The following PHACTR1 variants were observed in gnomAD, a reference collection of about 807,000 sequenced individuals.
PHACTR1 encodes RPEL repeat containing 1.
Under a neutral mutation model 69.2 loss-of-function variants are expected in PHACTR1, and 16 were observed. The observed-to-expected ratio is 0.23, with a 90% CI of 0.16 to 0.35. The LOEUF (loss-of-function observed/expected upper bound fraction) is 0.35. Among genes scored for constraint, PHACTR1 ranks in the 10% least tolerant of loss-of-function variants. PHACTR1 has a pLI of 1.00. For missense variants in PHACTR1, 510 were observed against 734.7 expected (o/e 0.69, Z 3.54); for synonymous variants, 312 against 284.5 (o/e 1.10, Z -0.97).
intron 4 of PHACTR1, among the ~76,000 whole-genome samples, chr6:12,785,948 G>A (rs1279520939): frequency 2.0e-5 from 3 of 152,060 alleles, no homozygotes; most frequent in African/African-American, 4.8e-5. Context: ...TTGAAAAGCC[G>A]ACCTGTCAAA....
intron 7 of PHACTR1, 41 bp downstream of exon 7, chr6:13,182,727 A>G: frequency 6.8e-7 from 1 of 1,472,336 alleles, no homozygotes. Context: ...CCCAGACACC[A>G]AGTCCAGCCA....
chr6:13,089,215 C>T (rs1395068629), intron 5 of PHACTR1, among the ~76,000 whole-genome samples: 1 of 152,196 alleles, frequency 6.6e-6, no homozygotes, highest in Non-Finnish European at 1.5e-5. Context: ...CAAGAAGCCC[C>T]TGGGGCACAG....
intron 5 of PHACTR1, among the ~76,000 whole-genome samples, chr6:13,097,874 C>G (rs1348370051): frequency 6.6e-6 from 1 of 152,102 alleles, no homozygotes; most frequent in African/African-American, 2.4e-5. Flanking sequence ...AGCCCTCAGA[C>G]AGGAATGCCC....
intron 4 of PHACTR1, among the ~76,000 whole-genome samples, chr6:13,020,982 G>T (rs1399021674): frequency 1.3e-5 from 2 of 152,042 alleles, no homozygotes; most frequent in Non-Finnish European, 2.9e-5. Context: ...ATTTCCTGGA[G>T]GATTTTTTAA....
intron 4 of PHACTR1, among the ~76,000 whole-genome samples, chr6:12,884,181 A>G (rs1054405330): frequency 1.3e-5 from 2 of 152,042 alleles, no homozygotes; most frequent in Non-Finnish European, 2.9e-5. Context: ...CATGTTCTCC[A>G]GCGTATCATA....
intron 7 of PHACTR1, among the ~76,000 whole-genome samples, chr6:13,205,257 C>T (rs955104237): frequency 1.3e-5 from 2 of 152,132 alleles, no homozygotes; most frequent in African/African-American, 2.4e-5. Context: ...GGAACTAGTC[C>T]GTTCCTGGGA....
At position 13,002,880 on chromosome 6, in the gene PHACTR1, A is replaced by G. The variant is rs149085720; in HGVS notation, c.251-50485A>G. 2.8e-3 allele frequency among the ~76,000 whole-genome samples: 429 copies of G among 152,352 alleles called. 1 individual carries two copies. Among genetic ancestry groups the G allele is most frequent in the Middle Eastern group, 0.014 (4 of 294 alleles). ...TTAATGCCCTGAAGTATGTCTGAGA[A>G]CTTAAACTTTTGAACATCAGGTTTA... On this transcript the variant is annotated intron_variant, in intron 4 of 14. Coordinates refer to ENST00000332995, the MANE Select transcript of PHACTR1 (RefSeq NM_030948.6).
In PHACTR1 at chr6:12,959,176, C is replaced by CAAAAAAAA. The variant is rs70989814; in HGVS notation, c.251-94177_251-94170dup. ...TGGGTGATAGAGTGAGACTTTATCT[C>CAAAAAAAA]AAAAAAAAAAAAAAAAAAAGAAAAG... On this transcript the variant is annotated intron_variant, in intron 4 of 14. Coordinates refer to ENST00000332995, the MANE Select transcript of PHACTR1 (RefSeq NM_030948.6). Among the ~76,000 whole-genome samples, 50 of 46,178 alleles carry CAAAAAAAA rather than the reference C, an allele frequency of 1.1e-3. 1 individual carries two copies. Among genetic ancestry groups the CAAAAAAAA allele is most frequent in the African/African-American group, 2.7e-3 (29 of 10,672 alleles). 30.3% of individuals were successfully genotyped at this position (46,178 alleles called of 152,430 possible). A position where few individuals can be genotyped will look rare whatever the true frequency, so the allele number is the denominator to read the frequency against.
At chr6:13,160,071 C>T (rs937538232) in intron 5 of PHACTR1, 133 bp from the exon 6 acceptor site, 19 of 730,450 alleles carry the variant, frequency 2.6e-5, no homozygotes, top group African/African-American at 8.8e-5. Context: ...GTCTCATTAG[C>T]TCACATTAGC....
chr6:13,169,061 G>A (rs1264645574), intron 6 of PHACTR1, among the ~76,000 whole-genome samples: 1 of 152,148 alleles, frequency 6.6e-6, no homozygotes, highest in Non-Finnish European at 1.5e-5. Flanking sequence ...ATGGTGGGTA[G>A]TGGGGAAAAG....
At chr6:12,972,203 C>T (rs567848997) in intron 4 of PHACTR1, among the ~76,000 whole-genome samples, 2 of 152,106 alleles carry the variant, frequency 1.3e-5, no homozygotes, top group African/African-American at 4.8e-5. Context: ...CCCAGAGGCA[C>T]GCAGACCAGA....
At chr6:12,899,176 G>C (rs867184918) in intron 4 of PHACTR1, among the ~76,000 whole-genome samples, 1 of 152,110 alleles carries the variant, frequency 6.6e-6, no homozygotes. Flanking sequence ...CTTTAATAGG[G>C]CTGTACCTTC....
chr6:12,838,784 C>A (rs902967121), intron 4 of PHACTR1, among the ~76,000 whole-genome samples: 1 of 152,074 alleles, frequency 6.6e-6, no homozygotes, highest in African/African-American at 2.4e-5. Context: ...TAAAAATAAC[C>A]CCAACCCCCA....
At chr6:12,744,582 G>C (rs1456735788) in intron 3 of PHACTR1, among the ~76,000 whole-genome samples, 2 of 152,122 alleles carry the variant, frequency 1.3e-5, no homozygotes, top group African/African-American at 4.8e-5. Flanking sequence ...TTATCAGAAA[G>C]GGGTCCCAAT....
In PHACTR1 at chr6:13,179,775, TGAA is replaced by T. The variant is rs1336120734; in HGVS notation, c.497-2740_497-2738del. On this transcript the variant is annotated intron_variant, in intron 6 of 14. Transcript: ENST00000332995. This position sits in a 1 kb window ranked among gnomAD's most constrained non-coding sequence, Gnocchi z 4.2. Reference sequence around the variant, plus strand: ...AGAACAAGGTTATCAATATTAATGTTGAAGAAATTGCCAAAAGCTAAAATATGT... The same window carrying T: ...AGAACAAGGTTATCAATATTAATGTTGAAATTGCCAAAAGCTAAAATATGT... Among the ~76,000 whole-genome samples the T allele has an allele frequency of 5.3e-5, 8 of 152,146 alleles. 1 individual carries two copies. Among genetic ancestry groups the T allele is most frequent in the Non-Finnish European group, 1.0e-4 (7 of 68,014 alleles).
At chr6:13,244,255 T>A (rs774091901) in intron 10 of PHACTR1, among the ~76,000 whole-genome samples, 1 of 151,084 alleles carries the variant, frequency 6.6e-6, no homozygotes, top group Non-Finnish European at 1.5e-5. Context: ...AGACATCAAG[T>A]ACTTAACAGG....
At chr6:12,897,560 C>T (rs1315409214) in intron 4 of PHACTR1, among the ~76,000 whole-genome samples, 7 of 152,158 alleles carry the variant, frequency 4.6e-5, no homozygotes. Context: ...CAGACTTCGC[C>T]TAATTTATAG....
chr6:12,862,057 GATAA>G (rs1780996712), intron 4 of PHACTR1, among the ~76,000 whole-genome samples: 1 of 152,126 alleles, frequency 6.6e-6, no homozygotes, highest in South Asian at 2.1e-4. Flanking sequence ...GGGATCTACA[GATAA>G]ATATTGTCTG....
intron 4 of PHACTR1, among the ~76,000 whole-genome samples, chr6:12,988,053 A>C (rs760549122): frequency 3.3e-5 from 5 of 152,184 alleles, no homozygotes; most frequent in Non-Finnish European, 7.3e-5. Context: ...GGAACAGTCA[A>C]CTTAGCTGAT....
Sources: gnomAD v4.1 joint callset for allele counts (sites outside exome capture counted in the v4.1 genomes callset) on GRCh38, gnomAD v4.1.1 for gene constraint, Gnocchi (gnomAD v3.1) non-coding constraint, MANE v1.5 for transcripts, NCBI Gene and HGNC (gene_info 2026-07-23, HGNC 2026-07-21) for gene names.